ADGRB3: variants seen among roughly 807,000 people sequenced by gnomAD.
ADGRB3 encodes the protein brain-specific angiogenesis inhibitor 3.
A neutral mutation model predicts 193.4 loss-of-function variants in ADGRB3; 37 were observed. The observed-to-expected ratio is 0.19, with a 90% CI of 0.15 to 0.25. ADGRB3 has a LOEUF of 0.25. Among genes scored for constraint, ADGRB3 ranks in the 10% least tolerant of loss-of-function variants. The pLI is 1.00. For missense variants in ADGRB3, 1,637 were observed against 1,852.9 expected (o/e 0.88, Z 2.14); for synonymous variants, 690 against 644.2 (o/e 1.07, Z -1.08).
At chr6:68,793,797 G>A (rs1389133275) in intron 3 of ADGRB3, among the ~76,000 whole-genome samples, 2 of 152,050 alleles carry the variant, frequency 1.3e-5, no homozygotes, top group Admixed American at 1.3e-4. Flanking sequence ...CCAAAATACT[G>A]GGATTACAGG....
chr6:68,673,320 C>T (rs764105258), intron 3 of ADGRB3, among the ~76,000 whole-genome samples: 1 of 152,112 alleles, frequency 6.6e-6, no homozygotes, highest in Non-Finnish European at 1.5e-5. Flanking sequence ...ATTTACTTCT[C>T]ATACAAACCC....
chr6:69,012,615 G>C (rs1769969816), intron 11 of ADGRB3, among the ~76,000 whole-genome samples: 2 of 152,040 alleles, frequency 1.3e-5, no homozygotes, highest in Non-Finnish European at 1.5e-5. Flanking sequence ...CAGACTTGCA[G>C]GTTTTTTAAG....
At chr6:68,916,126 A>G (rs1766871232) in intron 3 of ADGRB3, among the ~76,000 whole-genome samples, 1 of 152,136 alleles carries the variant, frequency 6.6e-6, no homozygotes, top group Admixed American at 6.5e-5. Context: ...TTACTTTCCT[A>G]AGGAGTTGAA....
At chr6:69,049,502 C>T (rs1771331734) in intron 15 of ADGRB3, among the ~76,000 whole-genome samples, 156 bp downstream of exon 15, 2 of 152,160 alleles carry the variant, frequency 1.3e-5, no homozygotes, top group East Asian at 3.9e-4. Flanking sequence ...AGGCTATTAG[C>T]AATTATGCAT....
intron 3 of ADGRB3, among the ~76,000 whole-genome samples, chr6:68,868,951 G>GTGCGTGTGTT (rs781022363): frequency 6.6e-5 from 10 of 150,392 alleles, no homozygotes; most frequent in African/African-American, 2.2e-4. Context: ...GAGTGTGTGT[G>GTGCGTGTGTT]TTTAAACTTA....
chr6:69,273,386 G>T (rs1767224642), intron 20 of ADGRB3, among the ~76,000 whole-genome samples: 1 of 152,120 alleles, frequency 6.6e-6, no homozygotes, highest in African/African-American at 2.4e-5. Flanking sequence ...GCCACACACA[G>T]CATGGTAAAA....
intron 3 of ADGRB3, among the ~76,000 whole-genome samples, chr6:68,902,290 T>C (rs1000109589): frequency 1.2e-4 from 18 of 152,114 alleles, no homozygotes; most frequent in African/African-American, 4.3e-4. Flanking sequence ...AATAGAGACG[T>C]TCTCTGAAAC....
At chr6:68,660,207 G>A (rs1484001828) in intron 3 of ADGRB3, among the ~76,000 whole-genome samples, 1 of 149,966 alleles carries the variant, frequency 6.7e-6, no homozygotes, top group Non-Finnish European at 1.5e-5. Flanking sequence ...CAACTTTTCA[G>A]ATGTTTAATA....
At chr6:69,198,523 G>T (rs548351448) in intron 17 of ADGRB3, among the ~76,000 whole-genome samples, 1 of 152,176 alleles carries the variant, frequency 6.6e-6, no homozygotes, top group South Asian at 2.1e-4. Context: ...TATTTGAGCA[G>T]ATACCTGAAT....
chr6:69,314,319 T>C (rs1768264392), intron 20 of ADGRB3, among the ~76,000 whole-genome samples: 1 of 151,690 alleles, frequency 6.6e-6, no homozygotes, highest in Non-Finnish European at 1.5e-5. Flanking sequence ...TATGAAATTA[T>C]AAAAATTTAG....
At chr6:68,697,737 C>G (rs1765179817) in intron 3 of ADGRB3, among the ~76,000 whole-genome samples, 3 of 151,888 alleles carry the variant, frequency 2.0e-5, no homozygotes, top group Admixed American at 1.3e-4. Flanking sequence ...TTTGGCAAAA[C>G]AGACACCTTT....
At chr6:68,713,435 G>T (rs1487319465) in intron 3 of ADGRB3, among the ~76,000 whole-genome samples, 6 of 151,690 alleles carry the variant, frequency 4.0e-5, no homozygotes, top group Admixed American at 4.0e-4. Context: ...CCCAGACTGA[G>T]CATTGGAACC....
At chr6:68,854,801 C>T (rs1764927931) in intron 3 of ADGRB3, among the ~76,000 whole-genome samples, 1 of 152,180 alleles carries the variant, frequency 6.6e-6, no homozygotes, top group African/African-American at 2.4e-5. Flanking sequence ...TGCCTTTCTG[C>T]CTTGATACCT....
chr6:69,274,938 C>G (rs1767269502), intron 20 of ADGRB3, among the ~76,000 whole-genome samples: 1 of 152,108 alleles, frequency 6.6e-6, no homozygotes, highest in African/African-American at 2.4e-5. Flanking sequence ...CCCTCCTCAT[C>G]CCTGTTTAGG....
At chr6:68,939,813 A>C in intron 5 of ADGRB3, among the ~76,000 whole-genome samples, 1 of 152,308 alleles carries the variant, frequency 6.6e-6, no homozygotes, top group Non-Finnish European at 1.5e-5. Flanking sequence ...TAAATTCCTA[A>C]GAATAAAATT....
At chr6:68,790,841 A>T (rs1180750860) in intron 3 of ADGRB3, among the ~76,000 whole-genome samples, 3 of 152,106 alleles carry the variant, frequency 2.0e-5, no homozygotes, top group Non-Finnish European at 4.4e-5. Context: ...ATGGGAAAAA[A>T]ACAGAGCAGA....
intron 17 of ADGRB3, among the ~76,000 whole-genome samples, chr6:69,150,527 A>G (rs754962814): frequency 2.6e-5 from 4 of 152,180 alleles, no homozygotes; most frequent in African/African-American, 4.8e-5. Context: ...CCTAGCCCAG[A>G]ACAGGTCCAT....
chr6:68,930,884 C>T (rs1401937798), intron 4 of ADGRB3, among the ~76,000 whole-genome samples: 2 of 151,918 alleles, frequency 1.3e-5, no homozygotes, highest in African/African-American at 4.8e-5. Flanking sequence ...CAGTATGGGA[C>T]ATTTAGGATT....
intron 16 of ADGRB3, among the ~76,000 whole-genome samples, chr6:69,066,503 G>A (rs1473200799): frequency 6.6e-6 from 1 of 151,946 alleles, no homozygotes; most frequent in Non-Finnish European, 1.5e-5. Context: ...TTTACAATAT[G>A]TTAAATATAA....
Sources: allele counts gnomAD v4.1 joint callset (sites outside exome capture counted in the v4.1 genomes callset), GRCh38; gene constraint gnomAD v4.1.1; transcripts MANE v1.5; gene names NCBI Gene and HGNC (gene_info 2026-07-23, HGNC 2026-07-21).